Variants in SURF4 observed in about 807,000 individuals in gnomAD.
SURF4 encodes the protein surfeit locus protein 4.
A neutral mutation model predicts 30.0 loss-of-function variants in SURF4; 3 were observed. The ratio of observed to expected loss-of-function variants is 0.10; its 90% CI spans 0.05 to 0.26. The LOEUF (loss-of-function observed/expected upper bound fraction) is 0.26. SURF4 is among the 10% of genes least tolerant of loss of function. The pLI, the probability that SURF4 is intolerant of heterozygous loss-of-function variation, is 1.00. For synonymous variants in SURF4, 143 were observed against 139.9 expected, an observed-to-expected ratio of 1.02 and a Z score of -0.16; for missense variants, 217 against 350.8, an observed-to-expected ratio of 0.62 and a Z score of 3.05.
chr9:133,364,131 C>G (rs1395286169), intron 5 of SURF4, among the ~76,000 whole-genome samples: 1 of 152,204 alleles, frequency 6.6e-6, no homozygotes, highest in African/African-American at 2.4e-5. Context: ...CTGGACACTA[C>G]CCGGCCAGGG....
Position 133,375,376 on chromosome 9 carries a change from G to A in SURF4, c.48+546C>T, listed in dbSNP as rs2130236223. On this transcript the variant is annotated intron_variant, in intron 1 of 5. Coordinates refer to ENST00000371989, the MANE Select transcript of SURF4 (RefSeq NM_033161.4). Reference sequence around the variant, plus strand: ...GCAGACAGGGTCAAAGGGACCCCAAGAGTCCAGCACATCTGGGAAAGAGAA... The same window carrying A: ...GCAGACAGGGTCAAAGGGACCCCAAAAGTCCAGCACATCTGGGAAAGAGAA... 4.0e-3 allele frequency: 3,925 copies of A among 985,770 alleles called. 14 individuals carry two copies. The highest frequency in any genetic ancestry group is 4.5e-3 in the Non-Finnish European group (3,727 of 830,178). The allele number at this position is 985,770 out of a possible 1,614,324, so 61.1% of individuals were successfully genotyped here.
intron 1 of SURF4, chr9:133,367,684 T>A: frequency 8.5e-7 from 1 of 1,169,592 alleles, no homozygotes; most frequent in East Asian, 2.7e-5. Flanking sequence ...ATGCATGACT[T>A]GACGTTAGGC....
intron 1 of SURF4, among the ~76,000 whole-genome samples, chr9:133,372,219 A>G (rs190815545): frequency 5.9e-5 from 9 of 152,354 alleles, no homozygotes; most frequent in Middle Eastern, 3.4e-3. Flanking sequence ...TGGCTGCCAG[A>G]GCAAGCAGCT....
At position 133,363,165 on chromosome 9, in the gene SURF4, C is replaced by T. The variant is rs1836927572; in HGVS notation, c.*328G>A. 1 of 572,768 alleles carries T rather than the reference C, an allele frequency of 1.7e-6. No homozygotes were observed. The highest frequency in any genetic ancestry group is 1.9e-5 in the African/African-American group (1 of 53,394). The allele number at this position is 572,768 out of a possible 1,614,324, so 35.5% of individuals were successfully genotyped here. A position where few individuals can be genotyped will look rare whatever the true frequency, so the allele number is the denominator to read the frequency against. Reference sequence around the variant, plus strand: ...TGCTCACAGTACAGCTTGAAGGCCCCCTCCTGTACCCCCACAAAAAAACTC... The same window carrying T: ...TGCTCACAGTACAGCTTGAAGGCCCTCTCCTGTACCCCCACAAAAAAACTC... On this transcript the variant is annotated 3_prime_UTR_variant, in exon 6 of 6. Coordinates refer to ENST00000371989, the MANE Select transcript of SURF4 (RefSeq NM_033161.4). The surrounding 1 kb of genome is among the most constrained non-coding windows in gnomAD (Gnocchi z 4.3).
intron 4 of SURF4, 78 bp downstream of exon 4, chr9:133,365,907 G>T: frequency 7.0e-7 from 1 of 1,425,316 alleles, no homozygotes; most frequent in Non-Finnish European, 9.9e-7. Context: ...TTCCCATTTT[G>T]GAGCATTTCA....
At chr9:133,375,474 C>A (rs1837838524) in intron 1 of SURF4, 4 of 958,978 alleles carry the variant, frequency 4.2e-6, no homozygotes, top group Middle Eastern at 5.3e-4. Flanking sequence ...GGAGGACCCC[C>A]GGCCCCCGTT....
At position 133,368,676 on chromosome 9, in the gene SURF4, A is replaced by G. The variant is rs2130162164; in HGVS notation, c.49-1231T>C. ...ATGACTTCCTGCTGTGCTGTGAGTC[A>G]GGTCATTTATGACGGCTGGGTTAGG... is the stretch of plus-strand genomic sequence containing the variant. On this transcript the variant is annotated intron_variant, in intron 1 of 5. Coordinates refer to ENST00000371989, the MANE Select transcript of SURF4 (RefSeq NM_033161.4). Among the ~76,000 whole-genome samples the G allele has an allele frequency of 6.0e-3, 908 of 152,394 alleles. 17 individuals are homozygous for G. Among genetic ancestry groups the G allele is most frequent in the African/African-American group, 0.021 (877 of 41,608 alleles).
Position 133,363,380 on chromosome 9 carries a change from C to A in SURF4, c.*113G>T. The A allele has an allele frequency of 1.3e-6, 2 of 1,539,938 alleles. No individual in the cohort carries two copies. The highest frequency in any genetic ancestry group is 1.8e-6 in the Non-Finnish European group (2 of 1,121,102). The stretch of plus-strand genomic sequence containing the variant: ...GTTCTCAAAACATCTGTGCCTTTAC[C>A]AAGGGAGGGGAAGGGAAGAGGATAC... On this transcript the variant is annotated 3_prime_UTR_variant, in exon 6 of 6. Transcript: ENST00000371989. This position sits in a 1 kb window ranked among gnomAD's most constrained non-coding sequence, Gnocchi z 4.3.
upstream of SURF4, among the ~76,000 whole-genome samples, chr9:133,377,472 C>T (rs2130254404): frequency 1.3e-5 from 2 of 152,284 alleles, no homozygotes; most frequent in Non-Finnish European, 2.9e-5. Context: ...TCAAGACCAG[C>T]CTGACCAACA....
chr9:133,366,570 A>C, intron 3 of SURF4, 29 bp downstream of exon 3: 1 of 1,612,226 alleles, frequency 6.2e-7, no homozygotes, highest in Non-Finnish European at 8.5e-7. Context: ...AGCAAAGAGA[A>C]GGGAGCCCCG....
At position 133,366,681 on chromosome 9, in the gene SURF4, GAGA is replaced by G. The variant is rs2130131001; in HGVS notation, c.236-9_236-7del. 1 of 1,613,212 alleles carries G rather than the reference GAGA, an allele frequency of 6.2e-7. No homozygotes were observed. Among genetic ancestry groups the G allele is most frequent in the South Asian group, 1.1e-5 (1 of 91,076 alleles). On this transcript the variant is annotated splice_polypyrimidine_tract_variant and splice_region_variant and intron_variant, in intron 2 of 5. Transcript: ENST00000371989. ...CAACACCAGGACGCAGCCAGCTGGA[GAGA>G]AGGACAAGGGTTAGGGGGCCTGAGG...
chr9:133,368,455 C>T (rs1837308374), intron 1 of SURF4, among the ~76,000 whole-genome samples: 1 of 152,254 alleles, frequency 6.6e-6, no homozygotes. Flanking sequence ...GACGTGGGGA[C>T]TGTGTGTGCA....
At chr9:133,364,803 G>A (rs1335574093) in intron 5 of SURF4, 37 bp downstream of exon 5, 9 of 1,610,976 alleles carry the variant, frequency 5.6e-6, no homozygotes, top group Middle Eastern at 3.3e-4. Flanking sequence ...AGCATTCACA[G>A]GAAACCAGAC....
Position 133,363,623 on chromosome 9 carries a change from A to G in SURF4, c.680T>C (p.Val227Ala). ...CAGGAAGTCATGCATGGGCTTGTAG[A>G]CTGGAATGGTCCAGAAGGCGTTGAA... ...VYFNAFWTIP[V>A]YKPMHDFLKY... is the part of the protein sequence containing the mutation. Residue 227 changes from valine (V) to alanine (A), a missense_variant, in exon 6 of 6, where the codon GTC becomes GCC. By Grantham distance (64) the Val-to-Ala change is moderately conservative (BLOSUM62 0). Coordinates refer to ENST00000371989, the MANE Select transcript of SURF4 (RefSeq NM_033161.4). The surrounding 1 kb of genome is among the most constrained non-coding windows in gnomAD (Gnocchi z 4.3). 6.2e-7 allele frequency: 1 copy of G among 1,614,182 alleles called. No individual in the cohort carries two copies. Among genetic ancestry groups the G allele is most frequent in the Non-Finnish European group, 8.5e-7 (1 of 1,180,030 alleles).
chr9:133,367,558 A>C, intron 1 of SURF4, 113 bp from the exon 2 acceptor site: 2 of 1,557,856 alleles, frequency 1.3e-6, no homozygotes, highest in South Asian at 1.2e-5. Context: ...GGAAGGCAAG[A>C]GCTCTTGTCA....
chr9:133,376,921 C>A (rs188409022), upstream of SURF4, among the ~76,000 whole-genome samples: 4 of 152,224 alleles, frequency 2.6e-5, no homozygotes, highest in South Asian at 8.3e-4. Context: ...CTAAAAACAC[C>A]CCTGCAGCGT....
At chr9:133,376,087 C>A (rs2130245134), upstream of SURF4, 117 of 1,204,376 alleles carry the variant, frequency 9.7e-5, no homozygotes, top group East Asian at 3.5e-3. Context: ...CGCTCCGCGT[C>A]GGCTGCGGCT....
Position 133,363,612 on chromosome 9 carries a change from T to C in SURF4, c.691A>G (p.Met231Val), listed in dbSNP as rs2130089168. 6.2e-7 allele frequency: 1 copy of C among 1,614,180 alleles called. No homozygotes were observed. The highest frequency in any genetic ancestry group is 8.5e-7 in the Non-Finnish European group (1 of 1,180,018). The change falls in exon 6 of 6, where the codon ATG becomes GTG. Residue 231 changes from methionine to valine, a missense_variant. Met to Val is a conservative substitution (Grantham distance 21, BLOSUM62 1). Coordinates refer to ENST00000371989, the MANE Select transcript of SURF4 (RefSeq NM_033161.4). This position sits in a 1 kb window ranked among gnomAD's most constrained non-coding sequence, Gnocchi z 4.3. ...AFWTIPVYKP[M>V]HDFLKYDFFQ... is the part of the protein sequence containing the mutation. The stretch of plus-strand genomic sequence containing the variant: ...AAGTCGTATTTCAGGAAGTCATGCA[T>C]GGGCTTGTAGACTGGAATGGTCCAG...
At chr9:133,373,844 G>A (rs1457668725) in intron 1 of SURF4, among the ~76,000 whole-genome samples, 1 of 149,892 alleles carries the variant, frequency 6.7e-6, no homozygotes, top group Non-Finnish European at 1.5e-5. Flanking sequence ...CTTGAATCCG[G>A]GAGGCGGGGG....
Sources: allele counts gnomAD v4.1 joint callset (sites outside exome capture counted in the v4.1 genomes callset), GRCh38; gene constraint gnomAD v4.1.1; non-coding constraint Gnocchi (gnomAD v3.1); transcripts MANE v1.5; gene names NCBI Gene and HGNC (gene_info 2026-07-23, HGNC 2026-07-21).